Variants in MED12L observed in about 807,000 individuals in gnomAD.
MED12L encodes the protein mediator of RNA polymerase II transcription subunit 12-like protein.
In MED12L, 60 loss-of-function variants were observed where a neutral mutation model predicts 281.3. The ratio of observed to expected loss-of-function variants is 0.21; its 90% CI spans 0.17 to 0.26. MED12L has a LOEUF of 0.26. Ranked by LOEUF, MED12L falls within the 10% of genes least tolerant of loss-of-function variation. The pLI is 1.00. For missense variants in MED12L, 2,146 were observed against 2,680.9 expected (o/e 0.80, Z 4.41); for synonymous variants, 974 against 987.2 (o/e 0.99, Z 0.25).
intron 16 of MED12L, among the ~76,000 whole-genome samples, chr3:151,302,971 A>G (rs1478529971): frequency 1.3e-5 from 2 of 152,198 alleles, no homozygotes; most frequent in Non-Finnish European, 2.9e-5. Context: ...AGCAAGGATT[A>G]CAGAGGTTCC....
chr3:151,122,441 G>T (rs540301161), intron 3 of MED12L, among the ~76,000 whole-genome samples: 1 of 152,208 alleles, frequency 6.6e-6, no homozygotes, highest in Non-Finnish European at 1.5e-5. Context: ...TGACGGGTGC[G>T]TAGTATTAGA....
chr3:151,184,756 G>A (rs1316978482), intron 11 of MED12L, among the ~76,000 whole-genome samples: 1 of 152,172 alleles, frequency 6.6e-6, no homozygotes, highest in African/African-American at 2.4e-5. Context: ...TTAATTGTTG[G>A]TTCGTTTTGG....
At chr3:151,213,933 C>T (rs1437864352) in intron 16 of MED12L, 1 of 1,614,122 alleles carries the variant, frequency 6.2e-7, no homozygotes. Flanking sequence ...TGAAAGAAGT[C>T]CAAAGAGGCT....
At chr3:151,427,289 T>G (rs780275054) in intron 43 of MED12L, among the ~76,000 whole-genome samples, 2 of 152,206 alleles carry the variant, frequency 1.3e-5, no homozygotes, top group Non-Finnish European at 2.9e-5. Flanking sequence ...GGTTTTGACC[T>G]TGCAGATAAC....
intron 36 of MED12L, among the ~76,000 whole-genome samples, chr3:151,385,572 CAT>C (rs1219158314): frequency 7.2e-5 from 11 of 151,904 alleles, no homozygotes; most frequent in African/African-American, 2.7e-4. Context: ...CATGGTGGCA[CAT>C]GTCTTTAGTT....
chr3:151,168,830 C>G (rs927685486), intron 11 of MED12L, among the ~76,000 whole-genome samples: 3 of 152,076 alleles, frequency 2.0e-5, no homozygotes, highest in Non-Finnish European at 4.4e-5. Flanking sequence ...CTCAGCCTCC[C>G]CAGTAGCTGG....
chr3:151,098,492 T>G (rs991743537), intron 2 of MED12L, among the ~76,000 whole-genome samples: 6 of 152,252 alleles, frequency 3.9e-5, no homozygotes, highest in African/African-American at 1.4e-4. Context: ...GACTTCTTCC[T>G]TGCCTCCTTC....
Position 151,192,578 on chromosome 3 carries a change from T to C in MED12L, c.1997T>C (p.Ile666Thr), listed in dbSNP as rs768576123. The part of the protein sequence containing the change: ...EEQSIMAHMG[I>T]DSGTTNIFDE... ...CAGAGTATTATGGCGCATATGGGCATTGACTCAGGAACCACTAACATTTTT... is the reference window on the plus strand; with the variant it reads ...CAGAGTATTATGGCGCATATGGGCACTGACTCAGGAACCACTAACATTTTT... Residue 666 changes from isoleucine (I) to threonine (T), a missense_variant, in exon 15 of 45, where the codon ATT (isoleucine) becomes ACT (threonine). By Grantham distance (89) the Ile-to-Thr change is moderately conservative (BLOSUM62 -1). Transcript: ENST00000687756. 2.3e-5 allele frequency: 35 copies of C among 1,535,964 alleles called. No individual in the cohort carries two copies. The highest frequency in any genetic ancestry group is 2.0e-5 in the Non-Finnish European group (23 of 1,146,716).
Position 151,377,019 on chromosome 3 carries a change from A to G in MED12L, c.4157A>G (p.Asn1386Ser). 1 of 1,614,040 alleles carries G rather than the reference A, an allele frequency of 6.2e-7. No homozygotes were observed. The highest frequency in any genetic ancestry group is 2.2e-5 in the East Asian group (1 of 44,866). Reference protein sequence around the residue: ...PGSGSVAEMNNLLDNIAKATI... With the variant: ...PGSGSVAEMNSLLDNIAKATI... ...TCTGGTTCTGTGGCCGAAATGAACA[A>G]CTTACTGGACAATATTGCAAAGGCA... Residue 1386 changes from asparagine to serine, a missense_variant, in exon 30 of 45, where the codon AAC becomes AGC. This residue lies in a region of MED12L where 235 missense variants were observed against 260.3 expected (regional missense o/e 0.90). Transcript: ENST00000687756.
chr3:151,256,680 A>C (rs527812274), intron 16 of MED12L, among the ~76,000 whole-genome samples: 9 of 152,358 alleles, frequency 5.9e-5, no homozygotes, highest in Admixed American at 2.0e-4. Flanking sequence ...TCGTATTTTA[A>C]GATCTAAGAG....
At chr3:151,250,664 A>G (rs569751391) in intron 16 of MED12L, among the ~76,000 whole-genome samples, 22 of 152,154 alleles carry the variant, frequency 1.4e-4, no homozygotes, top group Non-Finnish European at 3.1e-4. Flanking sequence ...TTGTTTATTC[A>G]TCTGTCCATA....
intron 25 of MED12L, 144 bp downstream of exon 25, chr3:151,368,395 T>C (rs1755547276): frequency 4.4e-6 from 3 of 687,538 alleles, no homozygotes; most frequent in Non-Finnish European, 7.7e-6. Context: ...GATGATACTA[T>C]TCATTGAGAG....
intron 20 of MED12L, among the ~76,000 whole-genome samples, chr3:151,359,466 A>G (rs949734532): frequency 3.3e-5 from 5 of 152,062 alleles, no homozygotes; most frequent in South Asian, 2.1e-4. Flanking sequence ...GGTTCCACCT[A>G]TGGTACCTGT....
Position 151,195,536 on chromosome 3 carries a change from A to G in MED12L, c.2250+1870A>G, listed in dbSNP as rs568215986. Among the ~76,000 whole-genome samples the G allele has an allele frequency of 1.3e-4, 20 of 152,216 alleles. 1 individual carries two copies. In the South Asian group the frequency reaches 4.1e-3, roughly 31 times the overall value. ...GCCTGAATAATATCTATGCTTTTCTACTGTTACCTATAGACATTATTCATT... is the reference window on the plus strand; with the variant it reads ...GCCTGAATAATATCTATGCTTTTCTGCTGTTACCTATAGACATTATTCATT... On this transcript the variant is annotated intron_variant, in intron 16 of 44. Transcript: ENST00000687756.
chr3:151,311,173 T>A lies in MED12L; in HGVS notation c.2251-38886T>A, dbSNP rs116474022. On this transcript the variant is annotated intron_variant, in intron 16 of 44. Transcript: ENST00000687756. ...TAAACTGGATATAAACAGACCATGG[T>A]AAGATCCAGCATGACTCTGTGAAGG... Among the ~76,000 whole-genome samples the A allele has an allele frequency of 7.1e-3, 1,080 of 152,324 alleles. 6 individuals carry two copies. Among genetic ancestry groups the A allele is most frequent in the Non-Finnish European group, 0.011 (779 of 68,032 alleles).
At chr3:151,285,866 G>A (rs1159642930) in intron 16 of MED12L, among the ~76,000 whole-genome samples, 2 of 152,244 alleles carry the variant, frequency 1.3e-5, no homozygotes, top group East Asian at 3.9e-4. Flanking sequence ...CACCATCCAT[G>A]AGGAATAGGT....
At chr3:151,386,390 T>G (rs1180707111) in intron 36 of MED12L, among the ~76,000 whole-genome samples, 1 of 152,056 alleles carries the variant, frequency 6.6e-6, no homozygotes, top group African/African-American at 2.4e-5. Flanking sequence ...TGTTTTACTT[T>G]GTTTATTTAT....
intron 15 of MED12L, among the ~76,000 whole-genome samples, 184 bp downstream of exon 15, chr3:151,192,838 C>T (rs1724163990): frequency 6.6e-6 from 1 of 152,158 alleles, no homozygotes; most frequent in South Asian, 2.1e-4. Context: ...GGTTGCATGG[C>T]CTACTCTGTA....
intron 16 of MED12L, among the ~76,000 whole-genome samples, chr3:151,229,473 A>AT (rs59434401): frequency 0.23 from 21,023 of 89,874 alleles, 2,680 homozygotes; most frequent in Non-Finnish European, 0.3. Flanking sequence ...TGCCCGGCTA[A>AT]TTTTTTTTTT....
Sources: allele counts gnomAD v4.1 joint callset (sites outside exome capture counted in the v4.1 genomes callset), GRCh38; gene constraint gnomAD v4.1.1; regional missense constraint gnomAD v4.1.1; transcripts MANE v1.5; gene names NCBI Gene and HGNC (gene_info 2026-07-23, HGNC 2026-07-21).